SATB1: variants seen among roughly 807,000 people sequenced by gnomAD.
The protein encoded by SATB1 is DNA-binding protein SATB1.
In SATB1, 11 loss-of-function variants were observed where a neutral mutation model predicts 86.9. The ratio of observed to expected loss-of-function variants is 0.13; its 90% CI spans 0.08 to 0.21. The LOEUF (loss-of-function observed/expected upper bound fraction) is 0.21, where lower values mean the gene tolerates loss of function less well. Among genes scored for constraint, SATB1 ranks in the 10% least tolerant of loss-of-function variants. The probability of loss-of-function intolerance (pLI) is 1.00; values close to 1 mark genes in which losing one functional copy is unlikely to be tolerated. For missense variants in SATB1, 551 were observed against 937.6 expected (o/e 0.59, Z 5.39); for synonymous variants, 357 against 357.2 (o/e 1.00, Z 0.01).
chr3:18,378,791 T>C (rs1695897551), intron 8 of SATB1, among the ~76,000 whole-genome samples: 1 of 152,230 alleles, frequency 6.6e-6, no homozygotes, highest in South Asian at 2.1e-4. Context: ...TAGACTATTT[T>C]TATGCATCTT....
chr3:18,430,808 A>T (rs532199171), intron 2 of SATB1, among the ~76,000 whole-genome samples: 172 of 152,314 alleles, frequency 1.1e-3, no homozygotes, highest in African/African-American at 3.6e-3. Flanking sequence ...TTCCCTAATT[A>T]CTTGGCATAG....
chr3:18,413,877 G>A (rs1308070398), intron 5 of SATB1, among the ~76,000 whole-genome samples: 1 of 152,034 alleles, frequency 6.6e-6, no homozygotes, highest in Non-Finnish European at 1.5e-5. Flanking sequence ...AAATATCAAA[G>A]TAAAAGTGTT....
At chr3:18,371,092 C>T (rs899291157) in intron 9 of SATB1, among the ~76,000 whole-genome samples, 4 of 151,970 alleles carry the variant, frequency 2.6e-5, no homozygotes, top group East Asian at 1.9e-4. Context: ...CTGAGGCGGC[C>T]GAGGAGGCTG....
At chr3:18,418,648 T>C (rs1231408544) in intron 2 of SATB1, among the ~76,000 whole-genome samples, 1 of 152,212 alleles carries the variant, frequency 6.6e-6, no homozygotes, top group Non-Finnish European at 1.5e-5. Flanking sequence ...GGCTTGAAGG[T>C]ATTCTGGCAA....
intron 9 of SATB1, among the ~76,000 whole-genome samples, chr3:18,371,391 T>TA (rs1213491694): frequency 1.1e-4 from 17 of 152,278 alleles, no homozygotes; most frequent in African/African-American, 4.1e-4. Flanking sequence ...AATATAGATA[T>TA]ATATATTTTT....
At chr3:18,362,227 C>T (rs1270691842) in intron 9 of SATB1, among the ~76,000 whole-genome samples, 2 of 152,038 alleles carry the variant, frequency 1.3e-5, no homozygotes, top group East Asian at 3.9e-4. Flanking sequence ...CAGCCCACCC[C>T]CAACCCTGCT....
chr3:18,389,818 T>C (rs928813552), intron 7 of SATB1, among the ~76,000 whole-genome samples: 1 of 152,158 alleles, frequency 6.6e-6, no homozygotes, highest in Non-Finnish European at 1.5e-5. Context: ...GTATGTTATG[T>C]AGGAAGTTAC....
At chr3:18,355,931 A>G (rs1300407545) in intron 9 of SATB1, among the ~76,000 whole-genome samples, 1 of 152,012 alleles carries the variant, frequency 6.6e-6, no homozygotes, top group African/African-American at 2.4e-5. Context: ...GGCAAAATAT[A>G]AACAGTAGCC....
intron 5 of SATB1, 166 bp downstream of exon 5, chr3:18,414,945 C>CA (rs1559450371): frequency 7.4e-6 from 5 of 677,538 alleles, no homozygotes; most frequent in Non-Finnish European, 1.2e-5. Flanking sequence ...GCTCTGTTCA[C>CA]AAGGAATCAG....
chr3:18,369,800 T>C (rs932033727), intron 9 of SATB1, among the ~76,000 whole-genome samples: 2 of 152,222 alleles, frequency 1.3e-5, no homozygotes, highest in African/African-American at 2.4e-5. Flanking sequence ...CATCTGGTTG[T>C]GCTGGTAGCG....
intron 9 of SATB1, among the ~76,000 whole-genome samples, chr3:18,363,773 G>A (rs779479141): frequency 2.4e-4 from 36 of 152,182 alleles, no homozygotes; most frequent in Non-Finnish European, 4.1e-4. Context: ...AACAGGAGAT[G>A]TGGGGACAAA....
intron 9 of SATB1, among the ~76,000 whole-genome samples, chr3:18,368,520 T>C (rs1186802944): frequency 6.6e-6 from 1 of 151,768 alleles, no homozygotes; most frequent in Middle Eastern, 3.2e-3. Flanking sequence ...GCAAAGATTA[T>C]ACAAAGAAGA....
intron 5 of SATB1, among the ~76,000 whole-genome samples, chr3:18,404,936 C>T (rs1182570575): frequency 2.6e-5 from 4 of 151,940 alleles, no homozygotes; most frequent in South Asian, 2.1e-4. Context: ...TAATCTCCAA[C>T]GTCTCCTCTA....
At chr3:18,355,886 AATTTGCCAAG>A (rs1436252276) in intron 9 of SATB1, among the ~76,000 whole-genome samples, 1 of 152,044 alleles carries the variant, frequency 6.6e-6, no homozygotes, top group Admixed American at 6.6e-5. Context: ...AAATGTAGTA[AATTTGCCAAG>A]CAACATTACA....
intron 5 of SATB1, among the ~76,000 whole-genome samples, chr3:18,411,668 C>G (rs1214704934): frequency 1.3e-5 from 2 of 151,866 alleles, no homozygotes; most frequent in African/African-American, 4.8e-5. Context: ...TCAGAATGCA[C>G]CATCCAACTT....
intron 9 of SATB1, among the ~76,000 whole-genome samples, chr3:18,374,865 G>T (rs184124549): frequency 1.5e-4 from 23 of 152,270 alleles, no homozygotes; most frequent in Admixed American, 3.3e-4. Context: ...TACCATTTGG[G>T]TATAGTGCTA....
At chr3:18,442,825 G>C (rs1169938338), upstream of SATB1, among the ~76,000 whole-genome samples, 3 of 152,118 alleles carry the variant, frequency 2.0e-5, no homozygotes. Flanking sequence ...TGCTATTCCT[G>C]TCTGCACATT....
chr3:18,413,006 T>C (rs1251069795), intron 5 of SATB1, among the ~76,000 whole-genome samples: 1 of 152,012 alleles, frequency 6.6e-6, no homozygotes, highest in Non-Finnish European at 1.5e-5. Flanking sequence ...TTTTTAGAAG[T>C]TTTTTTATGG....
At chr3:18,426,312 G>A (rs1698701848), upstream of SATB1, among the ~76,000 whole-genome samples, 1 of 152,226 alleles carries the variant, frequency 6.6e-6, no homozygotes, top group Non-Finnish European at 1.5e-5. This position sits in a 1 kb window ranked among gnomAD's most constrained non-coding sequence, Gnocchi z 4.2. Flanking sequence ...TTTGGAAGAA[G>A]AAATACGTGG....
Sources: gnomAD v4.1 joint callset for allele counts (sites outside exome capture counted in the v4.1 genomes callset) on GRCh38, gnomAD v4.1.1 for gene constraint, Gnocchi (gnomAD v3.1) non-coding constraint, MANE v1.5 for transcripts, NCBI Gene and HGNC (gene_info 2026-07-23, HGNC 2026-07-21) for gene names.